TTLL9: variants seen among roughly 807,000 people sequenced by gnomAD.
The protein encoded by TTLL9 is probable tubulin polyglutamylase TTLL9.
Under a neutral mutation model 65.6 loss-of-function variants are expected in TTLL9, and 47 were observed. That is an observed-to-expected ratio of 0.72 (90% CI 0.57 to 0.91). The LOEUF is 0.91. Among genes scored for constraint, TTLL9 ranks in the 40% least tolerant of loss-of-function variants. The pLI is 0.00. For missense variants in TTLL9, 537 were observed against 568.8 expected (o/e 0.94, Z 0.57); for synonymous variants, 179 against 204.8 (o/e 0.87, Z 1.07).
rs1294375901 is a variant in TTLL9 at position 31,943,647 on chromosome 20, G to A, written c.*626G>A. 2 of 438,240 alleles carry A rather than the reference G, an allele frequency of 4.6e-6. No individual in the cohort carries two copies. Among genetic ancestry groups the A allele is most frequent in the Admixed American group, 2.5e-5 (1 of 39,814 alleles). 27.1% of individuals were successfully genotyped at this position (438,240 alleles called of 1,614,324 possible). A position where few individuals can be genotyped will look rare whatever the true frequency, so the allele number is the denominator to read the frequency against. ...CCCTGACCATCATCTGAAAACCAGT[G>A]GGACAGGGCATCCCCATTTCTCAGA... is the stretch of plus-strand genomic sequence containing the variant. On this transcript the variant is annotated 3_prime_UTR_variant, in exon 15 of 15. Coordinates refer to ENST00000535842, the MANE Select transcript of TTLL9 (RefSeq NM_001008409.5).
Position 31,909,734 on chromosome 20 carries a change from C to T in TTLL9, c.319-3C>T. 2 of 1,612,938 alleles carry T rather than the reference C, an allele frequency of 1.2e-6. No individual in the cohort carries two copies. Among genetic ancestry groups the T allele is most frequent in the Non-Finnish European group, 1.7e-6 (2 of 1,179,518 alleles). ...ATGGCCGCCTGTCCTTCCCGCCACCCAGCTGACCCGGAAGAACTACATGGT... is the reference window on the plus strand; with the variant it reads ...ATGGCCGCCTGTCCTTCCCGCCACCTAGCTGACCCGGAAGAACTACATGGT... On this transcript the variant is annotated splice_region_variant and splice_polypyrimidine_tract_variant and intron_variant, in intron 5 of 14. Coordinates refer to ENST00000535842, the MANE Select transcript of TTLL9 (RefSeq NM_001008409.5).
At chr20:31,933,541 G>A (rs1196961634) in intron 10 of TTLL9, among the ~76,000 whole-genome samples, 1 of 152,174 alleles carries the variant, frequency 6.6e-6, no homozygotes, top group African/African-American at 2.4e-5. Context: ...ATCCTGTGAG[G>A]TCAATATACT....
chr20:31,928,650 A>T (rs147654478), intron 10 of TTLL9, among the ~76,000 whole-genome samples: 1 of 152,118 alleles, frequency 6.6e-6, no homozygotes, highest in Non-Finnish European at 1.5e-5. Context: ...CCCTTGAGGG[A>T]TGGTGAAATG....
At chr20:31,907,778 G>A (rs982324355) in intron 4 of TTLL9, among the ~76,000 whole-genome samples, 2 of 152,062 alleles carry the variant, frequency 1.3e-5, no homozygotes, top group Non-Finnish European at 2.9e-5. Context: ...AACTCAGGCT[G>A]ATGGTTTCCT....
intron 2 of TTLL9, among the ~76,000 whole-genome samples, chr20:31,877,396 G>C (rs2123370553): frequency 6.6e-6 from 1 of 152,312 alleles, no homozygotes; most frequent in East Asian, 1.9e-4. Flanking sequence ...GCCTCCCGAA[G>C]TGCTGAGATT....
In TTLL9 at chr20:31,908,696, C is replaced by T. The variant is rs2063597364; in HGVS notation, c.312C>T (p.His104=). 1 of 1,613,854 alleles carries T rather than the reference C, an allele frequency of 6.2e-7. No homozygotes were observed. Among genetic ancestry groups the T allele is most frequent in the African/African-American group, 1.3e-5 (1 of 75,036 alleles). Residue 104 remains histidine (H), a synonymous_variant, in exon 5 of 15, where the codon CAC becomes CAT. Coordinates refer to ENST00000535842, the MANE Select transcript of TTLL9 (RefSeq NM_001008409.5). The stretch of plus-strand genomic sequence containing the variant: ...TGCGGATCAGTCACTTCCGGAACCA[C>T]TATGAGGTGAGCTGGGCAGGCGGGA... ...EHVRISHFRN[H]YELTRKNYMV...
chr20:31,902,996 T>TG (rs1272693821), intron 4 of TTLL9, among the ~76,000 whole-genome samples: 1 of 152,154 alleles, frequency 6.6e-6, no homozygotes, highest in Non-Finnish European at 1.5e-5. Flanking sequence ...CCTGAGTGGC[T>TG]GGGACTACAA....
At chr20:31,902,814 G>GGT (rs1232555792) in intron 4 of TTLL9, among the ~76,000 whole-genome samples, 1 of 151,818 alleles carries the variant, frequency 6.6e-6, no homozygotes, top group Admixed American at 6.6e-5. Flanking sequence ...AGTGTATGAG[G>GGT]GTGCCGATTT....
chr20:31,893,124 G>T (rs1030062620), intron 3 of TTLL9, among the ~76,000 whole-genome samples: 2 of 150,726 alleles, frequency 1.3e-5, no homozygotes, highest in African/African-American at 2.4e-5. Context: ...AATTCTCTCA[G>T]CTTTTATTTA....
At chr20:31,884,653 G>A (rs1184569011) in intron 2 of TTLL9, among the ~76,000 whole-genome samples, 1 of 152,172 alleles carries the variant, frequency 6.6e-6, no homozygotes, top group Admixed American at 6.5e-5. Context: ...GTTTCTGGAG[G>A]CTGTCTCATG....
At chr20:31,923,147 C>A (rs1269970700) in intron 8 of TTLL9, 94 bp downstream of exon 8, 1 of 953,048 alleles carries the variant, frequency 1.0e-6, no homozygotes, top group Non-Finnish European at 1.7e-6. Flanking sequence ...AGGGCCCAGC[C>A]TGACACCAGG....
rs759225386 is a variant in TTLL9, at chr20:31,909,692, G to A, written c.319-45G>A. 4.4e-6 allele frequency: 7 copies of A among 1,589,488 alleles called. 1 individual carries two copies. The highest frequency in any genetic ancestry group is 5.2e-6 in the Non-Finnish European group (6 of 1,164,814). On this transcript the variant is annotated intron_variant, in intron 5 of 14. Transcript: ENST00000535842. Reference sequence around the variant, plus strand: ...TGTGTGGGGCTGGGAGGGGAGCGGGGCTGTGAGCAGGAGCTAATGGCCGCC... The same window carrying A: ...TGTGTGGGGCTGGGAGGGGAGCGGGACTGTGAGCAGGAGCTAATGGCCGCC...
chr20:31,926,167 C>G (rs907414256), intron 10 of TTLL9, 76 bp downstream of exon 10: 1 of 969,614 alleles, frequency 1.0e-6, no homozygotes, highest in African/African-American at 1.6e-5. Context: ...GAGGCCAACT[C>G]TGCTCAGAGC....
In TTLL9 at chr20:31,909,815, G is replaced by A. The variant is rs758190457; in HGVS notation, c.397G>A (p.Ala133Thr). The A allele has an allele frequency of 1.4e-5, 23 of 1,614,074 alleles. No homozygotes were observed. In the South Asian group the frequency reaches 1.9e-4, roughly 13 times the overall value. Reference sequence around the variant, plus strand: ...GGAGCGTGAGGCAGGAAAGCTGGAGGCAGCCAAGTGTGACTTCTTCCCCAA... The same window carrying A: ...GGAGCGTGAGGCAGGAAAGCTGGAGACAGCCAAGTGTGACTTCTTCCCCAA... Reference protein sequence around the residue: ...QLEREAGKLEAAKCDFFPKTF... With the variant: ...QLEREAGKLETAKCDFFPKTF... The change falls in exon 6 of 15, where the codon GCA becomes ACA. Residue 133 changes from alanine (A) to threonine (T), a missense_variant. This residue lies in a region of TTLL9 where 320 missense variants were observed against 311.0 expected (regional missense o/e 1.03). Coordinates refer to ENST00000535842, the MANE Select transcript of TTLL9 (RefSeq NM_001008409.5).
Position 31,898,574 on chromosome 20 carries a change from C to A in TTLL9, c.206+9C>A. On this transcript the variant is annotated intron_variant, in intron 4 of 14. Coordinates refer to ENST00000535842, the MANE Select transcript of TTLL9 (RefSeq NM_001008409.5). ...TGGGTGGAAGTGAAGGAGTAAGACC[C>A]TCCCCCCAGCCTTGTCCCTCCTTCC... 1 of 1,612,230 alleles carries A rather than the reference C, an allele frequency of 6.2e-7. No homozygotes were observed. Among genetic ancestry groups the A allele is most frequent in the East Asian group, 2.2e-5 (1 of 44,872 alleles).
intron 3 of TTLL9, among the ~76,000 whole-genome samples, chr20:31,889,564 A>G (rs1391534657): frequency 1.3e-5 from 2 of 151,756 alleles, no homozygotes; most frequent in Non-Finnish European, 2.9e-5. Flanking sequence ...CTGGGACTAC[A>G]GGCACCCATC....
In TTLL9 at chr20:31,909,920, C is replaced by A; in HGVS notation, c.502C>A (p.Pro168Thr). The change falls in exon 6 of 15, where the codon CCT becomes ACT. Residue 168 changes from proline (P) to threonine (T), a missense_variant and splice_region_variant. Transcript: ENST00000535842. ...CCCAGGAATCACCTGGATCATGAAG[C>A]CTGTGAGTGCCCAGTGCCAGGGGCT... ...KNPGITWIMKPVARSQGKGIF... is the reference protein window; with the variant it reads ...KNPGITWIMKTVARSQGKGIF... 2 of 1,613,352 alleles carry A rather than the reference C, an allele frequency of 1.2e-6. No individual in the cohort carries two copies. The highest frequency in any genetic ancestry group is 8.5e-7 in the Non-Finnish European group (1 of 1,179,480).
chr20:31,885,442 AT>A (rs2063175807), intron 2 of TTLL9, among the ~76,000 whole-genome samples: 2 of 152,196 alleles, frequency 1.3e-5, no homozygotes, highest in South Asian at 2.1e-4. Context: ...GGAGAGGAAA[AT>A]TTTTTTAACC....
intron 4 of TTLL9, chr20:31,901,414 C>T (rs569773221): frequency 2.6e-5 from 4 of 152,312 alleles, no homozygotes; most frequent in African/African-American, 9.6e-5. Flanking sequence ...GTGGAAAGAA[C>T]CTGAATCTCC....
Sources: gnomAD v4.1 joint callset for allele counts (sites outside exome capture counted in the v4.1 genomes callset) on GRCh38, gnomAD v4.1.1 for gene constraint, gnomAD v4.1.1 regional missense constraint, MANE v1.5 for transcripts, NCBI Gene and HGNC (gene_info 2026-07-23, HGNC 2026-07-21) for gene names.